TBCD: variants seen among roughly 807,000 people sequenced by gnomAD.
TBCD encodes tubulin folding cofactor D.
TBCD carries 105 observed loss-of-function variants against 169.3 expected under a neutral mutation model. That is an observed-to-expected ratio of 0.62 (90% confidence interval 0.53 to 0.73). The LOEUF (loss-of-function observed/expected upper bound fraction) is 0.73. Ranked by LOEUF, TBCD falls within the 30% of genes least tolerant of loss-of-function variation. The probability of loss-of-function intolerance (pLI) is 0.00; values close to 1 mark genes in which losing one functional copy is unlikely to be tolerated. For synonymous variants in TBCD, 700 were observed against 643.9 expected (o/e 1.09, Z -1.32); for missense variants, 1,444 against 1,600.1 (o/e 0.90, Z 1.66).
chr17:82,778,612 C>T (rs1344227198), intron 6 of TBCD, among the ~76,000 whole-genome samples: 6 of 150,470 alleles, frequency 4.0e-5, no homozygotes, highest in Non-Finnish European at 5.9e-5. Flanking sequence ...GCGCATGCCA[C>T]GACACCCAGC....
At chr17:82,877,841 A>G (rs1466789624) in intron 14 of TBCD, among the ~76,000 whole-genome samples, 3 of 152,224 alleles carry the variant, frequency 2.0e-5, no homozygotes, top group Non-Finnish European at 4.4e-5. Flanking sequence ...AGTTTGTTAT[A>G]AAGAGTATAG....
chr17:82,770,101 T>C (rs891289145), intron 5 of TBCD, among the ~76,000 whole-genome samples: 1 of 152,188 alleles, frequency 6.6e-6, no homozygotes. Context: ...CTGGAGTCTG[T>C]GCTCTTCATC....
rs1424616135 is a variant in TBCD, at chr17:82,922,213, T to G, written c.2178+636T>G. ...CCATCTCTACTAAAAATACAAAAAT[T>G]AGCGGGGCGAGGTGGCGCGTGCCTG... On this transcript the variant is annotated intron_variant, in intron 25 of 38. Coordinates refer to ENST00000355528, the MANE Select transcript of TBCD (RefSeq NM_005993.5). This position sits in a 1 kb window ranked among gnomAD's most constrained non-coding sequence, Gnocchi z 4.1. 6.6e-6 allele frequency among the ~76,000 whole-genome samples: 1 copy of G among 152,082 alleles called. No homozygotes were observed. Among genetic ancestry groups the G allele is most frequent in the Non-Finnish European group, 1.5e-5 (1 of 68,008 alleles).
intron 35 of TBCD, chr17:82,937,670 G>A (rs1446240470): frequency 6.5e-6 from 4 of 610,732 alleles, no homozygotes; most frequent in Non-Finnish European, 1.1e-5. Context: ...TCTCCTGTGT[G>A]CCCTGGGGGT....
chr17:82,829,854 T>A, intron 13 of TBCD: 1 of 446,706 alleles, frequency 2.2e-6, no homozygotes, highest in Non-Finnish European at 4.0e-6. Flanking sequence ...TAAGGAAACA[T>A]TTATAAAAGA....
At chr17:82,851,563 C>A (rs1477787073) in intron 13 of TBCD, among the ~76,000 whole-genome samples, 1 of 152,200 alleles carries the variant, frequency 6.6e-6, no homozygotes, top group African/African-American at 2.4e-5. Context: ...CACTTGGTGA[C>A]TCGGCCTCAG....
Position 82,814,874 on chromosome 17 carries a change from T to C in TBCD, c.1258T>C (p.Cys420Arg). ...QETDKAWHGG[C>R]LALAELGRRG... ...GACTGACAAGGCGTGGCATGGGGGA[T>C]GTCTGGCGCTGGCAGAGCTGGGCAG... is the stretch of plus-strand genomic sequence containing the variant. Residue 420 changes from cysteine to arginine, a missense_variant, in exon 13 of 39, where the codon TGT (cysteine) becomes CGT (arginine). By Grantham distance (180) the Cys-to-Arg change is radical. Transcript: ENST00000355528. The C allele has an allele frequency of 6.2e-7, 1 of 1,613,686 alleles. No individual in the cohort carries two copies. Among genetic ancestry groups the C allele is most frequent in the Non-Finnish European group, 8.5e-7 (1 of 1,179,742 alleles).
intron 14 of TBCD, among the ~76,000 whole-genome samples, chr17:82,876,662 C>T (rs555680996): frequency 1.3e-5 from 2 of 152,272 alleles, no homozygotes; most frequent in Admixed American, 6.5e-5. Context: ...GTTGATTGGT[C>T]GAATTAACTT....
chr17:82,776,877 C>A (rs930905252), intron 6 of TBCD, among the ~76,000 whole-genome samples: 1 of 152,080 alleles, frequency 6.6e-6, no homozygotes, highest in Non-Finnish European at 1.5e-5. Context: ...AACATGGTGT[C>A]GCTGATTGCA....
intron 8 of TBCD, among the ~76,000 whole-genome samples, 160 bp downstream of exon 8, chr17:82,797,962 CTTTTTTTTTTTTTTTTTTT>C (rs60671571): frequency 1.0e-4 from 5 of 49,018 alleles, no homozygotes; most frequent in East Asian, 1.4e-3. Context: ...AGTAACTGAA[CTTTTTTTTTTTTTTTTTTT>C]TTTTTTTTTT....
chr17:82,813,352 G>GACC (rs903618313), intron 12 of TBCD, among the ~76,000 whole-genome samples: 19 of 151,888 alleles, frequency 1.3e-4, no homozygotes, highest in African/African-American at 4.6e-4. Flanking sequence ...CCTCCTCTGA[G>GACC]ACCCCCCCTG....
chr17:82,857,007 G>T (rs1363743802), intron 13 of TBCD, among the ~76,000 whole-genome samples: 1 of 152,016 alleles, frequency 6.6e-6, no homozygotes. Flanking sequence ...ACCGCGTGCG[G>T]ACCCTCGGTG....
intron 11 of TBCD, among the ~76,000 whole-genome samples, chr17:82,807,890 C>T (rs1283069851): frequency 2.0e-5 from 3 of 152,248 alleles, no homozygotes; most frequent in African/African-American, 4.8e-5. Flanking sequence ...TGCCGGGTCA[C>T]GAGCAGGCCG....
At chr17:82,897,906 T>A (rs977930734) in intron 17 of TBCD, among the ~76,000 whole-genome samples, 2 of 150,092 alleles carry the variant, frequency 1.3e-5, no homozygotes, top group African/African-American at 4.9e-5. Flanking sequence ...TCTCCCCGGC[T>A]GGTTTTCTGT....
At chr17:82,754,355 C>G (rs1048462304) in intron 1 of TBCD, among the ~76,000 whole-genome samples, 2 of 152,066 alleles carry the variant, frequency 1.3e-5, no homozygotes, top group African/African-American at 4.8e-5. Context: ...CCAGGTGGAG[C>G]TATCATGGGT....
At chr17:82,921,458 GTGTTTT>G in intron 24 of TBCD, 37 bp from the exon 25 acceptor site, 1 of 1,504,852 alleles carries the variant, frequency 6.6e-7, no homozygotes, top group Non-Finnish European at 9.3e-7. Flanking sequence ...TGATTTCATG[GTGTTTT>G]TGATTGCCTG....
intron 13 of TBCD, chr17:82,838,676 G>C: frequency 1.0e-6 from 1 of 985,426 alleles, no homozygotes; most frequent in South Asian, 4.7e-5. Flanking sequence ...CTCCCTCCCA[G>C]CCTTTCGGTT....
intron 2 of TBCD, among the ~76,000 whole-genome samples, chr17:82,759,036 A>G (rs995088740): frequency 2.6e-5 from 4 of 151,720 alleles, no homozygotes; most frequent in Non-Finnish European, 1.5e-5. Flanking sequence ...TTTTAAAGAG[A>G]TGGGATCTCG....
intron 2 of TBCD, among the ~76,000 whole-genome samples, chr17:82,760,237 T>C (rs1176456624): frequency 2.6e-5 from 4 of 152,238 alleles, no homozygotes; most frequent in Non-Finnish European, 4.4e-5. Context: ...ATTTTCTTGA[T>C]GGTTTTGTAG....
Sources: allele counts gnomAD v4.1 joint callset (sites outside exome capture counted in the v4.1 genomes callset), GRCh38; gene constraint gnomAD v4.1.1; non-coding constraint Gnocchi (gnomAD v3.1); transcripts MANE v1.5; gene names NCBI Gene and HGNC (gene_info 2026-07-23, HGNC 2026-07-21).